The following DDX19B variants were observed in gnomAD, a reference collection of about 807,000 sequenced individuals.
DDX19B encodes DEAD-box helicase 19B.
Under a neutral mutation model 58.1 loss-of-function variants are expected in DDX19B, and 27 were observed. The observed-to-expected ratio is 0.46, with a 90% CI of 0.34 to 0.64. The LOEUF (loss-of-function observed/expected upper bound fraction) is 0.64. DDX19B is among the 30% of genes least tolerant of loss of function. DDX19B has a pLI of 0.01. For synonymous variants in DDX19B, 187 were observed against 214.4 expected (o/e 0.87, Z 1.12); for missense variants, 399 against 596.5 (o/e 0.67, Z 3.45).
At chr16:70,313,714 T>C (rs1209852125) in intron 2 of DDX19B, among the ~76,000 whole-genome samples, 2 of 152,208 alleles carry the variant, frequency 1.3e-5, no homozygotes, top group African/African-American at 4.8e-5. Flanking sequence ...TACTTAATAT[T>C]ACAGGAAGGA....
Position 70,333,093 on chromosome 16 carries a change from C to T in DDX19B, c.1312C>T (p.Leu438=). The stretch of plus-strand genomic sequence containing the variant: ...CACGGGCCGCTTTGGCAAGAGGGGC[C>T]TGGCAGTGAACATGGTGGACAGCAA... ...GRTGRFGKRG[L]AVNMVDSKHS... Residue 438 remains leucine (L), a synonymous_variant, in exon 11 of 12, where the codon CTG becomes TTG. Transcript: ENST00000288071. 2 of 1,589,478 alleles carry T rather than the reference C, an allele frequency of 1.3e-6. No individual in the cohort carries two copies. The highest frequency in any genetic ancestry group is 1.7e-6 in the Non-Finnish European group (2 of 1,165,548).
At chr16:70,291,469 T>G (rs1268031058), upstream of DDX19B, among the ~76,000 whole-genome samples, 1 of 152,200 alleles carries the variant, frequency 6.6e-6, no homozygotes, top group Non-Finnish European at 1.5e-5. Flanking sequence ...GCCAGAGTTG[T>G]TACTAGGATA....
intron 1 of DDX19B, among the ~76,000 whole-genome samples, chr16:70,309,690 C>T (rs1370969209): frequency 4.6e-5 from 7 of 151,396 alleles, no homozygotes; most frequent in Non-Finnish European, 1.0e-4. Flanking sequence ...TAGTTGCACA[C>T]GCCTGTAATC....
At chr16:70,329,802 G>C (rs1205124482) in intron 8 of DDX19B, 29 bp from the exon 9 acceptor site, 31 of 1,613,366 alleles carry the variant, frequency 1.9e-5, no homozygotes, top group Non-Finnish European at 2.5e-5. Flanking sequence ...GGGCCACCTG[G>C]GGCCACCTAC....
Position 70,316,179 on chromosome 16 carries a change from T to G in DDX19B, c.296+75T>G, listed in dbSNP as rs1200192352. On this transcript the variant is annotated intron_variant, in intron 4 of 11. Coordinates refer to ENST00000288071, the MANE Select transcript of DDX19B (RefSeq NM_007242.7). ...ATCCTAGGTCTGTTATAGATATCTT[T>G]TGACCACAACAGAGCAGTTTTAGCT... The G allele has an allele frequency of 8.2e-6, 13 of 1,583,268 alleles. No individual in the cohort carries two copies. The East Asian group carries it at 2.5e-4, about 30-fold the overall frequency.
At chr16:70,314,492 C>G (rs1298085516) in intron 2 of DDX19B, among the ~76,000 whole-genome samples, 1 of 151,904 alleles carries the variant, frequency 6.6e-6, no homozygotes, top group African/African-American at 2.4e-5. Context: ...GAAACCCTGT[C>G]TCTACTAAAA....
chr16:70,307,101 T>C (rs1310090799), intron 1 of DDX19B, among the ~76,000 whole-genome samples: 1 of 152,212 alleles, frequency 6.6e-6, no homozygotes. Flanking sequence ...ATATACCACA[T>C]TTTATTTATC....
At chr16:70,306,220 T>C (rs977553165) in intron 1 of DDX19B, among the ~76,000 whole-genome samples, 3 of 152,082 alleles carry the variant, frequency 2.0e-5, no homozygotes, top group Non-Finnish European at 4.4e-5. Flanking sequence ...GGTGTGTACA[T>C]GGCTCACTGC....
At position 70,331,814 on chromosome 16, in the gene DDX19B, G is replaced by A; in HGVS notation, c.1116G>A (p.Arg372=). ...LLSGEMMVEQ[R]AAVIERFREG... Reference sequence around the variant, plus strand: ...GTGGGGAGATGATGGTGGAACAGAGGGCTGCAGTGATTGAGCGCTTCCGAG... The same window carrying A: ...GTGGGGAGATGATGGTGGAACAGAGAGCTGCAGTGATTGAGCGCTTCCGAG... Residue 372 remains arginine (R), a synonymous_variant, in exon 10 of 12, where the codon AGG becomes AGA. Transcript: ENST00000288071. The A allele has an allele frequency of 6.2e-7, 1 of 1,614,204 alleles. No individual in the cohort carries two copies. Among genetic ancestry groups the A allele is most frequent in the Non-Finnish European group, 8.5e-7 (1 of 1,180,028 alleles).
intron 1 of DDX19B, among the ~76,000 whole-genome samples, chr16:70,303,854 C>T (rs969420357): frequency 1.5e-4 from 23 of 151,348 alleles, no homozygotes; most frequent in African/African-American, 5.1e-4. Flanking sequence ...CCACCGCGCC[C>T]GGCCTAATTT....
chr16:70,294,633 C>T, upstream of DDX19B: 1 of 428,732 alleles, frequency 2.3e-6, no homozygotes. Flanking sequence ...CCAGTCTCAC[C>T]AGGAAGCCAG....
intron 3 of DDX19B, 23 bp downstream of exon 3, chr16:70,314,978 T>C (rs1567629170): frequency 2.5e-6 from 4 of 1,603,988 alleles, no homozygotes; most frequent in Middle Eastern, 1.7e-4. Flanking sequence ...TGGAGCTTTA[T>C]ATAATAACAA....
chr16:70,325,129 C>T (rs766348221), intron 6 of DDX19B, among the ~76,000 whole-genome samples: 1 of 152,110 alleles, frequency 6.6e-6, no homozygotes, highest in East Asian at 1.9e-4. Flanking sequence ...ACAAATAATA[C>T]GGGATATCTT....
upstream of DDX19B, chr16:70,298,906 A>C: frequency 5.0e-6 from 1 of 200,010 alleles, no homozygotes; most frequent in Non-Finnish European, 1.0e-5. Flanking sequence ...ACTATTGGTA[A>C]TGGTTTTCTG....
chr16:70,301,990 G>A lies in DDX19B; in HGVS notation c.57+2636G>A, dbSNP rs188894911. Among the ~76,000 whole-genome samples, 6 of 147,918 alleles carry A rather than the reference G, an allele frequency of 4.1e-5. No individual in the cohort carries two copies. The East Asian group carries it at 1.2e-3, about 29-fold the overall frequency. ...GGCTGGAGTGCAATGGCACGATCTTGGCTCACTGCAACCTCTGCTTCTTGA... is the reference window on the plus strand; with the variant it reads ...GGCTGGAGTGCAATGGCACGATCTTAGCTCACTGCAACCTCTGCTTCTTGA... On this transcript the variant is annotated intron_variant, in intron 1 of 11. Coordinates refer to ENST00000288071, the MANE Select transcript of DDX19B (RefSeq NM_007242.7).
chr16:70,294,850 C>T (rs1436124337), upstream of DDX19B: 1 of 1,520,172 alleles, frequency 6.6e-7, no homozygotes, highest in Non-Finnish European at 8.8e-7. Context: ...GCCGCGATGG[C>T]TGGGGCTGCC....
upstream of DDX19B, among the ~76,000 whole-genome samples, chr16:70,297,365 A>C (rs984207993): frequency 6.6e-6 from 1 of 151,950 alleles, no homozygotes; most frequent in Non-Finnish European, 1.5e-5. Flanking sequence ...GGTGTGCACC[A>C]CCATGCTTGG....
At chr16:70,290,883 C>G (rs1465076250), upstream of DDX19B, among the ~76,000 whole-genome samples, 2 of 152,164 alleles carry the variant, frequency 1.3e-5, no homozygotes, top group Non-Finnish European at 2.9e-5. Flanking sequence ...CTATTTAACT[C>G]CAAAGCCCAT....
At chr16:70,292,086 A>T (rs1961072236), upstream of DDX19B, among the ~76,000 whole-genome samples, 1 of 152,074 alleles carries the variant, frequency 6.6e-6, no homozygotes, top group Non-Finnish European at 1.5e-5. Flanking sequence ...CAGAAGCTGA[A>T]GGCTTCAGTG....
Sources: gnomAD v4.1 joint callset for allele counts (sites outside exome capture counted in the v4.1 genomes callset) on GRCh38, gnomAD v4.1.1 for gene constraint, MANE v1.5 for transcripts, NCBI Gene and HGNC (gene_info 2026-07-23, HGNC 2026-07-21) for gene names.